CTNNA2: variants seen among roughly 807,000 people sequenced by gnomAD.
The protein encoded by CTNNA2 is catenin alpha-2.
In CTNNA2, 42 loss-of-function variants were observed where a neutral mutation model predicts 101.0. The ratio of observed to expected loss-of-function variants is 0.42; its 90% CI spans 0.32 to 0.54. CTNNA2 has a LOEUF of 0.54. Among genes scored for constraint, CTNNA2 ranks in the 20% least tolerant of loss-of-function variants. The pLI is 0.14. For synonymous variants in CTNNA2, 450 were observed against 456.4 expected (o/e 0.99, Z 0.18); for missense variants, 871 against 1,223.1 (o/e 0.71, Z 4.29).
chr2:80,465,737 T>C (rs1293288860), intron 9 of CTNNA2, among the ~76,000 whole-genome samples: 5 of 152,212 alleles, frequency 3.3e-5, no homozygotes, highest in Non-Finnish European at 7.3e-5. Context: ...CTAGAAAAGA[T>C]GTGAAACCAA....
At chr2:79,481,134 GA>G (rs1416827750) in intron 4 of CTNNA2, among the ~76,000 whole-genome samples, 1 of 151,938 alleles carries the variant, frequency 6.6e-6, no homozygotes, top group Non-Finnish European at 1.5e-5. Context: ...TGAATAAAGT[GA>G]ATATTAAAGA....
At chr2:80,074,287 T>C (rs1313331122) in intron 7 of CTNNA2, among the ~76,000 whole-genome samples, 3 of 152,108 alleles carry the variant, frequency 2.0e-5, no homozygotes, top group Non-Finnish European at 2.9e-5. Flanking sequence ...AATCCTAGTT[T>C]TGAGGTAAAG....
intron 7 of CTNNA2, among the ~76,000 whole-genome samples, chr2:80,034,419 T>C (rs1444557193): frequency 1.3e-5 from 2 of 149,522 alleles, no homozygotes; most frequent in Middle Eastern, 3.2e-3. Context: ...AGTGGCATGA[T>C]CTCGACTCAC....
At chr2:79,406,417 C>A (rs1452579934) in intron 4 of CTNNA2, among the ~76,000 whole-genome samples, 1 of 152,046 alleles carries the variant, frequency 6.6e-6, no homozygotes, top group Non-Finnish European at 1.5e-5. Context: ...CACATTCAGG[C>A]CCCACAATGG....
chr2:80,298,157 A>C (rs1469998711), intron 7 of CTNNA2: 1 of 151,998 alleles, frequency 6.6e-6, no homozygotes, highest in African/African-American at 2.4e-5. Flanking sequence ...TTTAATGGTC[A>C]TATTCTAGCT....
chr2:79,548,286 C>G (rs537820923), intron 1 of CTNNA2, among the ~76,000 whole-genome samples: 2 of 152,194 alleles, frequency 1.3e-5, no homozygotes, highest in Non-Finnish European at 2.9e-5. Context: ...ATCACTTTCA[C>G]AGACTCTCCT....
intron 7 of CTNNA2, among the ~76,000 whole-genome samples, chr2:79,940,297 G>T (rs974612851): frequency 5.9e-5 from 9 of 152,098 alleles, no homozygotes; most frequent in Non-Finnish European, 1.2e-4. Context: ...AGCTTTTAAA[G>T]AAATTTTCTA....
chr2:79,404,308 T>C (rs917927506), intron 4 of CTNNA2, among the ~76,000 whole-genome samples: 5 of 151,992 alleles, frequency 3.3e-5, no homozygotes, highest in Non-Finnish European at 7.4e-5. Context: ...TGACAGCAGA[T>C]CTACTGTTTT....
At chr2:79,876,553 G>A (rs1005374121) in intron 6 of CTNNA2, among the ~76,000 whole-genome samples, 1 of 152,150 alleles carries the variant, frequency 6.6e-6, no homozygotes, top group Non-Finnish European at 1.5e-5. Flanking sequence ...GGTTAAGAGT[G>A]AAAATATGAA....
chr2:80,015,264 G>T (rs920983142), intron 7 of CTNNA2, among the ~76,000 whole-genome samples: 1 of 151,916 alleles, frequency 6.6e-6, no homozygotes, highest in Non-Finnish European at 1.5e-5. Context: ...CCTTCTTTTG[G>T]CCTGCTTGTG....
chr2:80,209,716 AAG>A (rs1707768870), intron 7 of CTNNA2, among the ~76,000 whole-genome samples: 1 of 152,084 alleles, frequency 6.6e-6, no homozygotes, highest in Non-Finnish European at 1.5e-5. Flanking sequence ...TGCTTGTACA[AAG>A]AGAAATATTC....
At position 79,307,601 on chromosome 2, in the gene CTNNA2, C is replaced by G. The variant is rs564817706; in HGVS notation, c.-405-5108C>G. Reference sequence around the variant, plus strand: ...AGTATTCTATTGTGTATATATATCACCTTTTCTTTACCCATCTGTTGTTGG... The same window carrying G: ...AGTATTCTATTGTGTATATATATCAGCTTTTCTTTACCCATCTGTTGTTGG... On this transcript the variant is annotated intron_variant, in intron 2 of 21. Transcript: ENST00000466387. Among the ~76,000 whole-genome samples, 5 of 152,248 alleles carry G rather than the reference C, an allele frequency of 3.3e-5. No individual in the cohort carries two copies. The South Asian group carries it at 8.3e-4, about 25-fold the overall frequency.
chr2:79,980,560 C>T (rs556745), intron 7 of CTNNA2, among the ~76,000 whole-genome samples: 125,391 of 152,054 alleles, frequency 0.82, 52,014 homozygotes, highest in African/African-American at 0.91. Context: ...TTTGAAACCT[C>T]ATTTGTAATA....
At chr2:79,863,323 T>C (rs1332998571) in intron 4 of CTNNA2, among the ~76,000 whole-genome samples, 1 of 152,194 alleles carries the variant, frequency 6.6e-6, no homozygotes, top group Non-Finnish European at 1.5e-5. Context: ...AACCATATTG[T>C]ATGGCTGCAC....
chr2:79,659,236 A>G (rs1249663611), intron 2 of CTNNA2, among the ~76,000 whole-genome samples: 7 of 143,808 alleles, frequency 4.9e-5, no homozygotes, highest in Non-Finnish European at 9.0e-5. Flanking sequence ...TTTTTTTGCT[A>G]CACCATACAC....
At chr2:79,416,883 A>T (rs1441409292) in intron 4 of CTNNA2, among the ~76,000 whole-genome samples, 1 of 152,072 alleles carries the variant, frequency 6.6e-6, no homozygotes, top group Non-Finnish European at 1.5e-5. Flanking sequence ...TTCTTACAGG[A>T]TCTTCCCCTC....
chr2:80,061,463 T>C (rs1442356050), intron 7 of CTNNA2, among the ~76,000 whole-genome samples: 1 of 152,158 alleles, frequency 6.6e-6, no homozygotes, highest in African/African-American at 2.4e-5. Context: ...TAAGATTTAA[T>C]TAAGTCATTT....
intron 3 of CTNNA2, among the ~76,000 whole-genome samples, chr2:79,750,468 A>G (rs1184427589): frequency 6.6e-6 from 1 of 152,208 alleles, no homozygotes; most frequent in Non-Finnish European, 1.5e-5. Flanking sequence ...CCCTGCTTAG[A>G]TTACTTATCA....
At chr2:79,670,492 C>T (rs940390956) in intron 2 of CTNNA2, among the ~76,000 whole-genome samples, 1 of 152,140 alleles carries the variant, frequency 6.6e-6, no homozygotes, top group African/African-American at 2.4e-5. Context: ...AGACCCAGGG[C>T]GCTTCCGTGC....
Sources: gnomAD v4.1 joint callset for allele counts (sites outside exome capture counted in the v4.1 genomes callset) on GRCh38, gnomAD v4.1.1 for gene constraint, MANE v1.5 for transcripts, NCBI Gene and HGNC (gene_info 2026-07-23, HGNC 2026-07-21) for gene names.